Variants in AGBL4 observed in about 807,000 individuals in gnomAD.
AGBL4 encodes AGBL carboxypeptidase 4, also known as cytosolic carboxypeptidase 6.
In AGBL4, 58 loss-of-function variants were observed where a neutral mutation model predicts 66.4. That is an observed-to-expected ratio of 0.87 (90% CI 0.71 to 1.09). The LOEUF is 1.09. AGBL4 is among the 50% of genes least tolerant of loss of function. AGBL4 has a pLI of 0.00. For synonymous variants in AGBL4, 234 were observed against 222.9 expected (o/e 1.05, Z -0.44); for missense variants, 579 against 631.0 (o/e 0.92, Z 0.88).
chr1:48,541,110 T>G (rs1056638459), intron 11 of AGBL4, among the ~76,000 whole-genome samples: 12 of 152,192 alleles, frequency 7.9e-5, no homozygotes, highest in African/African-American at 1.7e-4. Flanking sequence ...ACACTGAGCT[T>G]CTTCTGCCTC....
chr1:49,553,523 C>T (rs892563094), intron 3 of AGBL4, among the ~76,000 whole-genome samples: 10 of 152,156 alleles, frequency 6.6e-5, no homozygotes, highest in African/African-American at 2.2e-4. Flanking sequence ...CCCCCATTAA[C>T]GTTTCCCTAG....
chr1:49,369,782 A>T (rs971722737), intron 3 of AGBL4, among the ~76,000 whole-genome samples: 1 of 152,120 alleles, frequency 6.6e-6, no homozygotes, highest in African/African-American at 2.4e-5. Context: ...AATAGTTCAT[A>T]TTACTAATTG....
chr1:49,729,450 T>C (rs1649265826), intron 2 of AGBL4, among the ~76,000 whole-genome samples: 1 of 152,006 alleles, frequency 6.6e-6, no homozygotes, highest in Non-Finnish European at 1.5e-5. Context: ...AAATAAAAAA[T>C]GAAAATACAG....
intron 6 of AGBL4, among the ~76,000 whole-genome samples, chr1:48,808,834 AC>A (rs1263697251): frequency 6.6e-6 from 1 of 152,228 alleles, no homozygotes; most frequent in African/African-American, 2.4e-5. Context: ...TAATACCTAG[AC>A]CATAAAGATG....
chr1:49,881,633 G>T lies in AGBL4; in HGVS notation c.35-30115C>A, dbSNP rs527602290. 5.3e-5 allele frequency among the ~76,000 whole-genome samples: 8 copies of T among 150,736 alleles called. No individual in the cohort carries two copies. The South Asian group carries it at 1.1e-3, about 20-fold the overall frequency. ...GGTTTTGATTTGCATTTCTCTGATG[G>T]CCAGTGATGATGAGCATTTTTTCAT... On this transcript the variant is annotated intron_variant, in intron 1 of 13. Transcript: ENST00000371839.
intron 4 of AGBL4, among the ~76,000 whole-genome samples, chr1:49,185,684 C>T (rs193212657): frequency 1.3e-5 from 2 of 152,222 alleles, no homozygotes; most frequent in Admixed American, 6.5e-5. Context: ...GCTACTTCCC[C>T]CTCACACCTC....
intron 3 of AGBL4, among the ~76,000 whole-genome samples, chr1:49,373,988 A>T (rs1644420717): frequency 6.6e-6 from 1 of 152,146 alleles, no homozygotes; most frequent in South Asian, 2.1e-4. Flanking sequence ...TATACATAAA[A>T]TTATATTATG....
chr1:49,084,369 A>G (rs910807218), intron 4 of AGBL4, among the ~76,000 whole-genome samples: 5 of 152,228 alleles, frequency 3.3e-5, no homozygotes, highest in African/African-American at 1.2e-4. Flanking sequence ...TCATTTATAA[A>G]GGAAAGAGGT....
chr1:48,897,395 T>C (rs1651622358), intron 5 of AGBL4, among the ~76,000 whole-genome samples: 1 of 152,242 alleles, frequency 6.6e-6, no homozygotes, highest in Non-Finnish European at 1.5e-5. Flanking sequence ...GGCACTTAGG[T>C]TGATTCCGTA....
At chr1:48,922,922 T>G (rs549365508) in intron 5 of AGBL4, among the ~76,000 whole-genome samples, 1 of 147,588 alleles carries the variant, frequency 6.8e-6, no homozygotes, top group African/African-American at 2.5e-5. Flanking sequence ...TGTTCTCAAC[T>G]ATATATATAT....
At chr1:50,009,572 A>G (rs1172145568) in intron 1 of AGBL4, among the ~76,000 whole-genome samples, 2 of 152,166 alleles carry the variant, frequency 1.3e-5, no homozygotes, top group Non-Finnish European at 2.9e-5. Context: ...CTGAATAGGG[A>G]AAAACTGAAG....
intron 5 of AGBL4, among the ~76,000 whole-genome samples, chr1:48,925,871 GT>G (rs1236953123): frequency 1.3e-5 from 2 of 152,120 alleles, no homozygotes; most frequent in African/African-American, 4.8e-5. Context: ...CTGTATAGAA[GT>G]TTTTTTCTGA....
rs947614759 is a variant in AGBL4, at chr1:49,643,933, C to A, written c.282+53380G>T. Among the ~76,000 whole-genome samples the A allele has an allele frequency of 2.6e-5, 4 of 151,566 alleles. No homozygotes were observed. The South Asian group carries it at 6.2e-4, about 24-fold the overall frequency. ...AAAATTCACTGATAAATATAAAAGA[C>A]TTTTTCCTTATTGGTTAGATTTCCT... On this transcript the variant is annotated intron_variant, in intron 3 of 13. Coordinates refer to ENST00000371839, the MANE Select transcript of AGBL4 (RefSeq NM_032785.4).
At chr1:48,817,024 T>G (rs955516875) in intron 6 of AGBL4, among the ~76,000 whole-genome samples, 12 of 152,256 alleles carry the variant, frequency 7.9e-5, no homozygotes, top group African/African-American at 2.6e-4. Flanking sequence ...TGCAAAAGCC[T>G]GGAAATGAAA....
chr1:49,307,912 C>A (rs1477456629), intron 3 of AGBL4, among the ~76,000 whole-genome samples: 1 of 152,130 alleles, frequency 6.6e-6, no homozygotes, highest in Non-Finnish European at 1.5e-5. Context: ...GTGTCCCCAC[C>A]AAATCACATG....
At chr1:49,665,433 C>A (rs1253527009) in intron 3 of AGBL4, among the ~76,000 whole-genome samples, 1 of 152,146 alleles carries the variant, frequency 6.6e-6, no homozygotes, top group Non-Finnish European at 1.5e-5. Flanking sequence ...TGAGTTCCTT[C>A]ATCTGTTAAA....
chr1:49,552,050 C>T (rs1447512482), intron 3 of AGBL4, among the ~76,000 whole-genome samples: 3 of 152,082 alleles, frequency 2.0e-5, no homozygotes, highest in Admixed American at 6.5e-5. Flanking sequence ...TTATGGCTGC[C>T]TCTGCTAAGT....
At chr1:48,838,012 T>G (rs1482110556) in intron 6 of AGBL4, among the ~76,000 whole-genome samples, 1 of 151,926 alleles carries the variant, frequency 6.6e-6, no homozygotes, top group Non-Finnish European at 1.5e-5. Flanking sequence ...GAATTAAAAC[T>G]GGCAGACCAA....
intron 2 of AGBL4, among the ~76,000 whole-genome samples, chr1:49,775,545 T>A (rs1328693305): frequency 2.6e-5 from 4 of 152,064 alleles, no homozygotes; most frequent in African/African-American, 9.7e-5. Context: ...AAAAGATAAA[T>A]TTTTCCCCAA....
Sources: allele counts gnomAD v4.1 joint callset (sites outside exome capture counted in the v4.1 genomes callset), GRCh38; gene constraint gnomAD v4.1.1; transcripts MANE v1.5; gene names NCBI Gene and HGNC (gene_info 2026-07-23, HGNC 2026-07-21).